The following TNS3 variants were observed in gnomAD, a reference collection of about 807,000 sequenced individuals.
TNS3 encodes tensin-3.
A neutral mutation model predicts 140.9 loss-of-function variants in TNS3; 45 were observed. That is an observed-to-expected ratio of 0.32 (90% CI 0.25 to 0.41). The LOEUF is 0.41. Ranked by LOEUF, TNS3 falls within the 10% of genes least tolerant of loss-of-function variation. TNS3 has a pLI of 1.00. For synonymous variants in TNS3, 815 were observed against 788.4 expected, an observed-to-expected ratio of 1.03 and a Z score of -0.56; for missense variants, 1,716 against 1,906.7, an observed-to-expected ratio of 0.90 and a Z score of 1.86.
At chr7:47,280,441 T>G (rs757693678) in intron 28 of TNS3, 87 bp from the exon 29 acceptor site, 115 of 1,166,094 alleles carry the variant, frequency 9.9e-5, no homozygotes, top group Middle Eastern at 2.0e-4. Flanking sequence ...CTCCCATACA[T>G]GAAGATTCTT....
chr7:47,509,114 C>CA (rs957029810), intron 2 of TNS3, among the ~76,000 whole-genome samples: 6 of 152,182 alleles, frequency 3.9e-5, no homozygotes, highest in Non-Finnish European at 5.9e-5. Context: ...CAACTCAACA[C>CA]AAAAAAATGG....
At chr7:47,333,844 T>G (rs1788473941) in intron 20 of TNS3, among the ~76,000 whole-genome samples, 1 of 152,214 alleles carries the variant, frequency 6.6e-6, no homozygotes, top group African/African-American at 2.4e-5. Flanking sequence ...AAACTAAATT[T>G]TAAGACAAAT....
chr7:47,519,816 C>CTTTTTTT (rs34418629), intron 2 of TNS3, among the ~76,000 whole-genome samples: 1,269 of 74,726 alleles, frequency 0.017, 34 homozygotes, highest in Non-Finnish European at 0.02. Context: ...CCTCACATTT[C>CTTTTTTT]TTTTTTTTTT....
chr7:47,528,060 G>A (rs748313106), intron 2 of TNS3, among the ~76,000 whole-genome samples: 21 of 152,094 alleles, frequency 1.4e-4, no homozygotes, highest in Admixed American at 1.0e-3. Context: ...CAGGGTGGCC[G>A]GTACCCACCA....
At chr7:47,289,774 T>G (rs1299163174) in intron 27 of TNS3, among the ~76,000 whole-genome samples, 1 of 152,242 alleles carries the variant, frequency 6.6e-6, no homozygotes, top group Non-Finnish European at 1.5e-5. Flanking sequence ...TATTCCATAT[T>G]CATGGACAGC....
chr7:47,301,408 G>A lies in TNS3; in HGVS notation c.3544+778C>T, dbSNP rs574236946. Among the ~76,000 whole-genome samples the A allele has an allele frequency of 1.6e-4, 25 of 152,138 alleles. No homozygotes were observed. In the South Asian group the frequency reaches 3.7e-3, roughly 23 times the overall value. ...AAATGAGGTATCCAGAGGAAGGTAC[G>A]CTCAGCTGAGACACAGCATCCAGGG... On this transcript the variant is annotated intron_variant, in intron 23 of 30. Transcript: ENST00000311160.
chr7:47,486,025 T>G (rs572828142), intron 3 of TNS3, among the ~76,000 whole-genome samples: 243 of 151,510 alleles, frequency 1.6e-3, no homozygotes, highest in African/African-American at 5.7e-3. Flanking sequence ...TGAGTGTGTG[T>G]GGGGGTGAGT....
rs758956898 is a variant in TNS3, at chr7:47,369,097, G to T, written c.1549C>A (p.Gln517Lys). The T allele has an allele frequency of 1.7e-5, 28 of 1,614,002 alleles. 1 individual carries two copies. The East Asian group carries it at 6.0e-4, about 35-fold the overall frequency. Residue 517 changes from glutamine to lysine, a missense_variant, in exon 17 of 31, where the codon CAG (glutamine) becomes AAG (lysine). Physicochemically the swap from Gln to Lys is moderately conservative, Grantham distance 53. Around this residue, in one of 3 missense-constraint regions of TNS3, gnomAD observed 1,163 missense variants for 1,182.1 expected, o/e 0.98. Transcript: ENST00000311160. ...LGPFTCHKSS[Q>K]NSLLSDGFGS... Reference sequence around the variant, plus strand: ...AAACCGTCAGATAGGAGTGAGTTCTGGCTGCTCTTGTGGCAGGTGAAGGGA... The same window carrying T: ...AAACCGTCAGATAGGAGTGAGTTCTTGCTGCTCTTGTGGCAGGTGAAGGGA...
intron 23 of TNS3, 114 bp downstream of exon 23, chr7:47,302,072 C>G: frequency 1.2e-6 from 1 of 805,924 alleles, no homozygotes; most frequent in South Asian, 1.6e-5. Flanking sequence ...CAAACTCAAT[C>G]CATATGAAGG....
At chr7:47,389,647 C>T (rs2151287613) in intron 16 of TNS3, among the ~76,000 whole-genome samples, 1 of 152,334 alleles carries the variant, frequency 6.6e-6, no homozygotes, top group African/African-American at 2.4e-5. Flanking sequence ...GAAAGTAACA[C>T]CCACATGACT....
At position 47,276,940 on chromosome 7, in the gene TNS3, GA is replaced by G. The variant is rs1427718973; in HGVS notation, c.*1135del. 1 of 152,246 alleles carries G rather than the reference GA, an allele frequency of 6.6e-6. No individual in the cohort carries two copies. Among genetic ancestry groups the G allele is most frequent in the African/African-American group, 2.4e-5 (1 of 41,464 alleles). 9.4% of individuals were successfully genotyped at this position (152,246 alleles called of 1,614,324 possible). A position where few individuals can be genotyped will look rare whatever the true frequency, so the allele number is the denominator to read the frequency against. On this transcript the variant is annotated 3_prime_UTR_variant, in exon 31 of 31. Transcript: ENST00000311160. Reference sequence around the variant, plus strand: ...CTTCAGGTCGTGCAGCTTCAGGCCTGAAGATGATCGAAAAGCCCATGTGGGG... The same window carrying G: ...CTTCAGGTCGTGCAGCTTCAGGCCTGAGATGATCGAAAAGCCCATGTGGGG...
intron 4 of TNS3, among the ~76,000 whole-genome samples, chr7:47,447,530 C>G (rs1795807799): frequency 6.6e-6 from 1 of 152,154 alleles, no homozygotes; most frequent in South Asian, 2.1e-4. Context: ...CATCTCCCTC[C>G]TCTTTCCAGG....
chr7:47,361,968 A>G (rs1029807926), intron 17 of TNS3, among the ~76,000 whole-genome samples: 1 of 152,234 alleles, frequency 6.6e-6, no homozygotes, highest in Non-Finnish European at 1.5e-5. Flanking sequence ...CATGAATTTC[A>G]CAGGTTGAGT....
chr7:47,401,027 G>C, intron 13 of TNS3, 113 bp from the exon 14 acceptor site: 2 of 1,468,878 alleles, frequency 1.4e-6, no homozygotes, highest in Non-Finnish European at 1.8e-6. Flanking sequence ...CTGGACTCTG[G>C]CTGGGAGTTC....
intron 1 of TNS3, among the ~76,000 whole-genome samples, chr7:47,550,672 A>G (rs1800036543): frequency 6.6e-6 from 1 of 152,250 alleles, no homozygotes; most frequent in African/African-American, 2.4e-5. Context: ...ATGCCTGGAA[A>G]GATCTACGTG....
chr7:47,454,239 G>A (rs943216683), intron 4 of TNS3, among the ~76,000 whole-genome samples: 2 of 152,150 alleles, frequency 1.3e-5, no homozygotes, highest in African/African-American at 4.8e-5. Context: ...GCTCAGACCA[G>A]GCTCAGCTCC....
rs1019450746 is a variant in TNS3 at position 47,413,873 on chromosome 7, T to C, written c.647+64A>G. ...TTCCTGCGGGACAGGCAGCTGAGGG[T>C]CAGCTGCAGTTCCCTGAGCCGTCCA... is the stretch of plus-strand genomic sequence containing the variant. On this transcript the variant is annotated intron_variant, in intron 12 of 30. Transcript: ENST00000311160. The C allele has an allele frequency of 3.8e-6, 6 of 1,590,842 alleles. No homozygotes were observed. In the African/African-American group the frequency reaches 8.1e-5, roughly 21 times the overall value.
At chr7:47,465,627 A>C (rs1343462200) in intron 4 of TNS3, among the ~76,000 whole-genome samples, 1 of 152,142 alleles carries the variant, frequency 6.6e-6, no homozygotes. Context: ...ATCTCAGTAC[A>C]TATCTTTAAA....
chr7:47,360,097 T>C (rs1790229128), intron 17 of TNS3, among the ~76,000 whole-genome samples: 1 of 152,148 alleles, frequency 6.6e-6, no homozygotes, highest in Non-Finnish European at 1.5e-5. Flanking sequence ...TTTTATGCAA[T>C]AAAAAGAAAG....
Sources: gnomAD v4.1 joint callset for allele counts (sites outside exome capture counted in the v4.1 genomes callset) on GRCh38, gnomAD v4.1.1 for gene constraint, gnomAD v4.1.1 regional missense constraint, MANE v1.5 for transcripts, NCBI Gene and HGNC (gene_info 2026-07-23, HGNC 2026-07-21) for gene names.